ZNF606: variants seen among roughly 807,000 people sequenced by gnomAD.
ZNF606 encodes zinc finger protein 328.
In ZNF606, 37 loss-of-function variants were observed where a neutral mutation model predicts 74.9. The observed-to-expected ratio is 0.49, with a 90% CI of 0.38 to 0.65. The LOEUF is 0.65. Among genes scored for constraint, ZNF606 ranks in the 30% least tolerant of loss-of-function variants. The pLI, the probability that ZNF606 is intolerant of heterozygous loss-of-function variation, is 0.00. For missense variants in ZNF606, 852 were observed against 952.9 expected (o/e 0.89, Z 1.39); for synonymous variants, 328 against 312.4 (o/e 1.05, Z -0.53).
At chr19:57,999,500 G>T in intron 4 of ZNF606, 1 of 476,578 alleles carries the variant, frequency 2.1e-6, no homozygotes, top group East Asian at 3.2e-5. Flanking sequence ...GCCTAAATCG[G>T]GTGCTAAAGA....
At chr19:58,001,215 C>G (rs1176684918) in intron 2 of ZNF606, 74 bp downstream of exon 2, 1 of 1,569,366 alleles carries the variant, frequency 6.4e-7, no homozygotes, top group Non-Finnish European at 8.7e-7. Flanking sequence ...GTCCTCAGCC[C>G]ATCACCAGCT....
intron 6 of ZNF606, among the ~76,000 whole-genome samples, chr19:57,982,843 C>T (rs1381523594): frequency 2.6e-5 from 4 of 151,996 alleles, no homozygotes; most frequent in Non-Finnish European, 4.4e-5. Context: ...GACAGGGTCC[C>T]GCCATGTTGC....
At chr19:58,000,863 G>T in intron 2 of ZNF606, 124 bp from the exon 3 acceptor site, 1 of 862,158 alleles carries the variant, frequency 1.2e-6, no homozygotes. Flanking sequence ...CCAAGGGTGT[G>T]TAAAAAAAAT....
intron 6 of ZNF606, 62 bp from the exon 7 acceptor site, chr19:57,980,341 T>C: frequency 6.7e-7 from 1 of 1,498,186 alleles, no homozygotes; most frequent in Non-Finnish European, 8.9e-7. Context: ...AAAGTGGGAA[T>C]GGTGAGATTT....
At chr19:57,994,442 C>T (rs574894617) in intron 4 of ZNF606, among the ~76,000 whole-genome samples, 1 of 152,258 alleles carries the variant, frequency 6.6e-6, no homozygotes, top group East Asian at 1.9e-4. Flanking sequence ...GAAACACTAG[C>T]CATAAACAAA....
chr19:57,979,685 A>G lies in ZNF606; in HGVS notation c.995T>C (p.Phe332Ser). The change falls in exon 7 of 7, where the codon TTT (phenylalanine) becomes TCT (serine). Residue 332 changes from phenylalanine (F) to serine (S), a missense_variant. Physicochemically the swap from Phe to Ser is radical, Grantham distance 155. Around this residue, in one of 3 missense-constraint regions of ZNF606, gnomAD observed 545 missense variants for 542.5 expected, o/e 1.00. Transcript: ENST00000551380. ...AACATGAAGCCTTGGGTGTTCATTAAATGATGGGCTCTGGTTAAAGATTTG... is the reference window on the plus strand; with the variant it reads ...AACATGAAGCCTTGGGTGTTCATTAGATGATGGGCTCTGGTTAAAGATTTG... ...CHQIFNQSPS[F>S]NEHPRLHVGE... 2 of 1,613,714 alleles carry G rather than the reference A, an allele frequency of 1.2e-6. No individual in the cohort carries two copies. The highest frequency in any genetic ancestry group is 2.2e-5 in the South Asian group (2 of 91,016).
chr19:58,002,698 G>GA lies in ZNF606; in HGVS notation c.-355dup, dbSNP rs1337954940. 1 of 454,002 alleles carries GA rather than the reference G, an allele frequency of 2.2e-6. No homozygotes were observed. Among genetic ancestry groups the GA allele is most frequent in the Non-Finnish European group, 4.4e-6 (1 of 226,008 alleles). 28.1% of individuals were successfully genotyped at this position (454,002 alleles called of 1,614,324 possible). A position where few individuals can be genotyped will look rare whatever the true frequency, so the allele number is the denominator to read the frequency against. On this transcript the variant is annotated 5_prime_UTR_variant, in exon 1 of 7. Transcript: ENST00000551380. ...AAAGGGCAGGCGCAGGACCCACCCT[G>GA]ACGCCGCCTCTCCCAGCCGGCTCTC...
chr19:57,997,893 TC>T (rs1016109944), intron 4 of ZNF606: 132 of 152,334 alleles, frequency 8.7e-4, no homozygotes, highest in African/African-American at 2.9e-3. Flanking sequence ...CAGGCAACAA[TC>T]ACCTTGCATC....
chr19:57,987,555 C>T (rs574935770), intron 6 of ZNF606, among the ~76,000 whole-genome samples: 67 of 152,202 alleles, frequency 4.4e-4, no homozygotes, highest in African/African-American at 1.5e-3. Context: ...AAGCCGGGAA[C>T]GGTGGCTCAT....
chr19:58,000,819 G>T, intron 2 of ZNF606, 80 bp from the exon 3 acceptor site: 1 of 1,334,656 alleles, frequency 7.5e-7, no homozygotes, highest in Non-Finnish European at 1.0e-6. Context: ...AGGCTGACTC[G>T]CTAATGGGCA....
chr19:57,978,597 G>C lies in ZNF606; in HGVS notation c.2083C>G (p.Leu695Val). The C allele has an allele frequency of 6.2e-7, 1 of 1,613,996 alleles. No individual in the cohort carries two copies. Among genetic ancestry groups the C allele is most frequent in the Non-Finnish European group, 8.5e-7 (1 of 1,180,002 alleles). Reference sequence around the variant, plus strand: ...GTATGAGTTCTCCGGTGTGCAATGAGGTGAGAACTACAGTTAAAGGATCTT... The same window carrying C: ...GTATGAGTTCTCCGGTGTGCAATGACGTGAGAACTACAGTTAAAGGATCTT... ...CERSFNCSSH[L>V]IAHRRTHTGE... The change falls in exon 7 of 7, where the codon CTC becomes GTC. Residue 695 changes from leucine (L) to valine (V), a missense_variant. Leu to Val is a conservative substitution (Grantham distance 32). This residue lies in a region of ZNF606 where 243 missense variants were observed against 359.2 expected (regional missense o/e 0.68). Coordinates refer to ENST00000551380, the MANE Select transcript of ZNF606 (RefSeq NM_001348022.3). The surrounding 1 kb of genome is among the most constrained non-coding windows in gnomAD (Gnocchi z 4.4).
chr19:57,999,677 G>A (rs940730856), intron 4 of ZNF606, 131 bp downstream of exon 4: 1 of 908,704 alleles, frequency 1.1e-6, no homozygotes, highest in Non-Finnish European at 1.7e-6. Context: ...CTGCTCTCAG[G>A]AAGGATTAAC....
In ZNF606 at chr19:58,000,796, A is replaced by C. The variant is rs929832; in HGVS notation, c.32-57T>G. 1.0e-3 allele frequency: 1,473 copies of C among 1,477,326 alleles called. 18 individuals carry two copies. In the African/African-American group the frequency reaches 0.018, roughly 19 times the overall value. 91.5% of individuals were successfully genotyped at this position (1,477,326 alleles called of 1,614,324 possible). A position where few individuals can be genotyped will look rare whatever the true frequency, so the allele number is the denominator to read the frequency against. On this transcript the variant is annotated intron_variant, in intron 2 of 6. Coordinates refer to ENST00000551380, the MANE Select transcript of ZNF606 (RefSeq NM_001348022.3). ...ACCAAACCTAGTGATTCAAGGCGAC[A>C]AAATACAAGAGGAGGCTGACTCGCT...
intron 4 of ZNF606, chr19:57,998,953 C>G (rs2073376603): frequency 6.5e-6 from 1 of 152,722 alleles, no homozygotes; most frequent in African/African-American, 2.4e-5. Context: ...GCCTGCTTCC[C>G]ACAGCCCTCT....
Position 57,978,272 on chromosome 19 carries a change from T to C in ZNF606, c.*29A>G, listed in dbSNP as rs777067279. 12 of 1,528,690 alleles carry C rather than the reference T, an allele frequency of 7.8e-6. No individual in the cohort carries two copies. The highest frequency in any genetic ancestry group is 1.3e-5 in the South Asian group (1 of 76,058). 94.7% of individuals were successfully genotyped at this position (1,528,690 alleles called of 1,614,324 possible). ...GGGTTTTCCTCAATGTGTTGTCAAATGTACAAGAAACGAAAAACTCGCATA... is the reference window on the plus strand; with the variant it reads ...GGGTTTTCCTCAATGTGTTGTCAAACGTACAAGAAACGAAAAACTCGCATA... On this transcript the variant is annotated 3_prime_UTR_variant, in exon 7 of 7. Transcript: ENST00000551380. The surrounding 1 kb of genome is among the most constrained non-coding windows in gnomAD (Gnocchi z 4.4).
intron 4 of ZNF606, among the ~76,000 whole-genome samples, chr19:57,993,656 A>C (rs1300519123): frequency 6.6e-6 from 1 of 152,232 alleles, no homozygotes; most frequent in Non-Finnish European, 1.5e-5. Flanking sequence ...ATACACGGGC[A>C]AAAGTCCCAG....
intron 4 of ZNF606, among the ~76,000 whole-genome samples, chr19:57,992,249 G>T (rs2073272005): frequency 6.6e-6 from 1 of 152,166 alleles, no homozygotes; most frequent in Non-Finnish European, 1.5e-5. Flanking sequence ...CTTTATAATG[G>T]AGGGGTCAGT....
chr19:57,978,188 T>A lies in ZNF606; in HGVS notation c.*113A>T, dbSNP rs1419675325. The stretch of plus-strand genomic sequence containing the variant: ...TAAGATGATATTTTCTAGTAAATAA[T>A]GTGGGAGAAGTCTTACTGAACTCTT... On this transcript the variant is annotated 3_prime_UTR_variant, in exon 7 of 7. Coordinates refer to ENST00000551380, the MANE Select transcript of ZNF606 (RefSeq NM_001348022.3). This position sits in a 1 kb window ranked among gnomAD's most constrained non-coding sequence, Gnocchi z 4.4. 9.5e-7 allele frequency: 1 copy of A among 1,056,210 alleles called. No individual in the cohort carries two copies. The highest frequency in any genetic ancestry group is 3.1e-5 in the Admixed American group (1 of 32,568). The allele number at this position is 1,056,210 out of a possible 1,614,324, so 65.4% of individuals were successfully genotyped here.
intron 6 of ZNF606, among the ~76,000 whole-genome samples, chr19:57,985,933 CAATA>C (rs999965275): frequency 6.7e-6 from 1 of 149,260 alleles, no homozygotes; most frequent in Non-Finnish European, 1.5e-5. Context: ...GAGTCTGTCT[CAATA>C]AATAAATAAA....
Sources: allele counts gnomAD v4.1 joint callset (sites outside exome capture counted in the v4.1 genomes callset), GRCh38; gene constraint gnomAD v4.1.1; regional missense constraint gnomAD v4.1.1; non-coding constraint Gnocchi (gnomAD v3.1); transcripts MANE v1.5; gene names NCBI Gene and HGNC (gene_info 2026-07-23, HGNC 2026-07-21).